NCKAP5: variants seen among roughly 807,000 people sequenced by gnomAD.
The protein encoded by NCKAP5 is NCK associated protein 5.
NCKAP5 carries 92 observed loss-of-function variants against 167.0 expected under a neutral mutation model. That is an observed-to-expected ratio of 0.55 (90% confidence interval 0.47 to 0.66). The LOEUF (loss-of-function observed/expected upper bound fraction) is 0.66, where lower values mean the gene tolerates loss of function less well. NCKAP5 is among the 30% of genes least tolerant of loss of function. NCKAP5 has a pLI of 0.00. For missense variants in NCKAP5, 2,378 were observed against 2,315.0 expected (o/e 1.03, Z -0.56); for synonymous variants, 891 against 877.4 (o/e 1.02, Z -0.27).
chr2:133,547,185 C>T (rs991584531), intron 2 of NCKAP5, among the ~76,000 whole-genome samples: 17 of 152,196 alleles, frequency 1.1e-4, no homozygotes, highest in South Asian at 2.1e-4. Context: ...TAAAAAACGG[C>T]GCGCCACGAG....
chr2:133,492,653 C>T (rs1176804586), intron 3 of NCKAP5, among the ~76,000 whole-genome samples: 2 of 152,122 alleles, frequency 1.3e-5, no homozygotes, highest in Non-Finnish European at 2.9e-5. Flanking sequence ...CATGATTATG[C>T]CAATCTCACA....
rs117873087 is a variant in NCKAP5 at position 132,869,329 on chromosome 2, T to C, written c.649-355A>G. Among the ~76,000 whole-genome samples, 19 of 152,342 alleles carry C rather than the reference T, an allele frequency of 1.2e-4. No individual in the cohort carries two copies. In the East Asian group the frequency reaches 3.7e-3, roughly 29 times the overall value. ...GTCCTAATTATCTGTCCACAGTTTCTACACTTTGCTGATTTACAATATCCT... is the reference window on the plus strand; with the variant it reads ...GTCCTAATTATCTGTCCACAGTTTCCACACTTTGCTGATTTACAATATCCT... On this transcript the variant is annotated intron_variant, in intron 9 of 19. Coordinates refer to ENST00000409261, the MANE Select transcript of NCKAP5 (RefSeq NM_207363.3).
intron 10 of NCKAP5, among the ~76,000 whole-genome samples, chr2:132,862,934 A>T (rs562391086): frequency 6.6e-6 from 1 of 151,986 alleles, no homozygotes; most frequent in African/African-American, 2.4e-5. Flanking sequence ...CGATTCTTCT[A>T]CCTCAGCCTC....
At chr2:133,654,185 C>A in the NCKAP5 span, among the ~76,000 whole-genome samples, 5 of 151,946 alleles carry the variant, frequency 3.3e-5, no homozygotes, top group Non-Finnish European at 2.9e-5. Flanking sequence ...AGTTCGAGAC[C>A]AGCCTGGCCA....
intron 6 of NCKAP5, among the ~76,000 whole-genome samples, chr2:133,023,035 T>C (rs1189407864): frequency 6.6e-6 from 1 of 152,212 alleles, no homozygotes; most frequent in Non-Finnish European, 1.5e-5. Context: ...CCTTCTCCAG[T>C]GGAGCCTCGA....
intron 3 of NCKAP5, among the ~76,000 whole-genome samples, chr2:133,404,685 T>A (rs1233140162): frequency 6.6e-6 from 1 of 152,332 alleles, no homozygotes; most frequent in African/African-American, 2.4e-5. Flanking sequence ...AAAAATGATA[T>A]CTTTTTATAC....
In NCKAP5 at chr2:133,106,842, A is replaced by C. The variant is rs1457605324; in HGVS notation, c.341+23136T>G. Among the ~76,000 whole-genome samples the C allele has an allele frequency of 2.0e-5, 3 of 152,214 alleles. No homozygotes were observed. In the East Asian group the frequency reaches 5.8e-4, roughly 29 times the overall value. On this transcript the variant is annotated intron_variant, in intron 6 of 19. Coordinates refer to ENST00000409261, the MANE Select transcript of NCKAP5 (RefSeq NM_207363.3). Reference sequence around the variant, plus strand: ...AATGAGGAAACCAAGACCCTAAAGCATTAGAGAAATTATTCAAGGTCATTA... The same window carrying C: ...AATGAGGAAACCAAGACCCTAAAGCCTTAGAGAAATTATTCAAGGTCATTA...
intron 11 of NCKAP5, among the ~76,000 whole-genome samples, chr2:132,844,737 G>T (rs1244389458): frequency 6.6e-6 from 1 of 152,044 alleles, no homozygotes; most frequent in Admixed American, 6.6e-5. Flanking sequence ...TGAAAACAGT[G>T]CACAGTGTCT....
the NCKAP5 span, among the ~76,000 whole-genome samples, chr2:133,620,720 G>T: frequency 1.6e-4 from 25 of 152,192 alleles, no homozygotes; most frequent in East Asian, 4.4e-3. Context: ...CATCAAGATG[G>T]AAAGTCAACA....
At chr2:133,521,585 G>T (rs1684478057) in intron 2 of NCKAP5, among the ~76,000 whole-genome samples, 1 of 152,188 alleles carries the variant, frequency 6.6e-6, no homozygotes, top group Admixed American at 6.5e-5. Flanking sequence ...TTTCTGGTGA[G>T]GCCTCTCTCC....
intron 19 of NCKAP5, among the ~76,000 whole-genome samples, chr2:132,723,079 A>AC (rs1156602366): frequency 6.7e-6 from 1 of 149,706 alleles, no homozygotes; most frequent in Non-Finnish European, 1.5e-5. Context: ...CTCTTGCCTT[A>AC]CCGTCCCGAA....
At chr2:133,501,200 T>C (rs1316488351) in intron 3 of NCKAP5, among the ~76,000 whole-genome samples, 3 of 152,164 alleles carry the variant, frequency 2.0e-5, no homozygotes, top group South Asian at 2.1e-4. Flanking sequence ...GTGGAGCCCA[T>C]AGACAGAAAA....
At chr2:133,278,765 T>A (rs2089829905) in intron 4 of NCKAP5, among the ~76,000 whole-genome samples, 1 of 136,014 alleles carries the variant, frequency 7.4e-6, no homozygotes, top group Non-Finnish European at 1.6e-5. Context: ...AAGAGGCTAA[T>A]ATCCATCCCT....
the NCKAP5 span, among the ~76,000 whole-genome samples, chr2:133,659,095 A>T: frequency 6.6e-6 from 1 of 152,154 alleles, no homozygotes; most frequent in East Asian, 1.9e-4. Context: ...GGTATTAAAA[A>T]TTAAATTCTA....
chr2:133,630,778 G>A, the NCKAP5 span, among the ~76,000 whole-genome samples: 13 of 152,150 alleles, frequency 8.5e-5, no homozygotes, highest in Non-Finnish European at 1.5e-4. Flanking sequence ...CAGATCATCC[G>A]GCCTTAGCAG....
intron 16 of NCKAP5, among the ~76,000 whole-genome samples, chr2:132,746,649 C>T (rs1308192850): frequency 6.6e-6 from 1 of 152,064 alleles, no homozygotes; most frequent in African/African-American, 2.4e-5. Context: ...TTATATGTCC[C>T]CCCAAAGACT....
chr2:132,927,848 G>A (rs1696033386), intron 8 of NCKAP5, among the ~76,000 whole-genome samples: 1 of 151,936 alleles, frequency 6.6e-6, no homozygotes, highest in African/African-American at 2.4e-5. Context: ...TAAGAAGTTG[G>A]GCAAAGGGGT....
At chr2:132,883,242 C>T (rs1691926778) in intron 8 of NCKAP5, among the ~76,000 whole-genome samples, 1 of 134,032 alleles carries the variant, frequency 7.5e-6, no homozygotes, top group Non-Finnish European at 1.6e-5. Flanking sequence ...ACACACGACA[C>T]CCACCATGTC....
At chr2:132,929,902 T>C (rs2149048870) in intron 8 of NCKAP5, 1 of 152,292 alleles carries the variant, frequency 6.6e-6, no homozygotes, top group East Asian at 1.9e-4. Flanking sequence ...ACAAGAAAAA[T>C]TCTTCAGAGA....
Sources: allele counts gnomAD v4.1 joint callset (sites outside exome capture counted in the v4.1 genomes callset), GRCh38; gene constraint gnomAD v4.1.1; transcripts MANE v1.5; gene names NCBI Gene and HGNC (gene_info 2026-07-23, HGNC 2026-07-21).